Variants in KCNAB2 observed in about 807,000 individuals in gnomAD.
KCNAB2 encodes the protein voltage-gated potassium channel subunit beta-2.
KCNAB2 carries 29 observed loss-of-function variants against 63.6 expected under a neutral mutation model. That is an observed-to-expected ratio of 0.46 (90% CI 0.34 to 0.62). The LOEUF (loss-of-function observed/expected upper bound fraction) is 0.62. KCNAB2 is among the 20% of genes least tolerant of loss of function. The pLI, the probability that KCNAB2 is intolerant of heterozygous loss-of-function variation, is 0.01. For missense variants in KCNAB2, 359 were observed against 563.9 expected (o/e 0.64, Z 3.68); for synonymous variants, 222 against 224.2 (o/e 0.99, Z 0.09).
At chr1:6,060,498 A>G (rs1662217790) in intron 2 of KCNAB2, among the ~76,000 whole-genome samples, 1 of 152,132 alleles carries the variant, frequency 6.6e-6, no homozygotes, top group Non-Finnish European at 1.5e-5. Context: ...TTGGGCAAGA[A>G]GCCACCTTTG....
chr1:6,092,539 G>A (rs1407269183), intron 10 of KCNAB2, among the ~76,000 whole-genome samples: 1 of 152,262 alleles, frequency 6.6e-6, no homozygotes, highest in Non-Finnish European at 1.5e-5. Flanking sequence ...CCTTGGCTGA[G>A]AAGAATCGGG....
chr1:6,033,879 A>C (rs1659829485), upstream of KCNAB2, among the ~76,000 whole-genome samples: 1 of 152,194 alleles, frequency 6.6e-6, no homozygotes, highest in Admixed American at 6.5e-5. Flanking sequence ...AGTTTCTCCA[A>C]ATCTAAATCC....
intron 2 of KCNAB2, among the ~76,000 whole-genome samples, chr1:6,052,037 G>A (rs1661440011): frequency 6.6e-6 from 1 of 152,152 alleles, no homozygotes; most frequent in Non-Finnish European, 1.5e-5. Context: ...AGGAGGCAGA[G>A]ATTGCAGTGA....
chr1:6,098,649 G>A lies in KCNAB2; in HGVS notation c.*75G>A. ...GTTCGCTCGCTTAAGCTGTTTTGAAGCCAAGTGAAGAGTGTGGTTTGCATC... is the reference window on the plus strand; with the variant it reads ...GTTCGCTCGCTTAAGCTGTTTTGAAACCAAGTGAAGAGTGTGGTTTGCATC... On this transcript the variant is annotated 3_prime_UTR_variant, in exon 16 of 16. Transcript: ENST00000378083. The A allele has an allele frequency of 1.9e-6, 3 of 1,545,470 alleles. No homozygotes were observed. Among genetic ancestry groups the A allele is most frequent in the Non-Finnish European group, 2.6e-6 (3 of 1,136,214 alleles).
chr1:6,046,937 A>G (rs1660974244), intron 1 of KCNAB2, among the ~76,000 whole-genome samples: 1 of 152,160 alleles, frequency 6.6e-6, no homozygotes, highest in Non-Finnish European at 1.5e-5. Flanking sequence ...AATGAGGTTA[A>G]CATCTTCCTT....
intron 1 of KCNAB2, among the ~76,000 whole-genome samples, chr1:5,996,711 G>A (rs1370962388): frequency 6.6e-6 from 1 of 152,232 alleles, no homozygotes; most frequent in African/African-American, 2.4e-5. Context: ...GAAATGGTGG[G>A]GACCACCTTC....
At position 6,071,722 on chromosome 1, in the gene KCNAB2, G is replaced by A. The variant is rs763946446; in HGVS notation, c.219-1033G>A. 4.1e-4 allele frequency among the ~76,000 whole-genome samples: 62 copies of A among 151,860 alleles called. 1 individual carries two copies. Among genetic ancestry groups the A allele is most frequent in the Admixed American group, 3.1e-3 (48 of 15,282 alleles). ...CTGCCGCCGCATAGGGCTCTGCTGC[G>A]TAGGACTCCTGCGGCGAGGGCTCCC... On this transcript the variant is annotated intron_variant, in intron 2 of 15. Transcript: ENST00000378083. The surrounding 1 kb of genome is among the most constrained non-coding windows in gnomAD (Gnocchi z 8.5).
At chr1:6,079,811 G>A (rs975171811) in intron 4 of KCNAB2, among the ~76,000 whole-genome samples, 4 of 152,134 alleles carry the variant, frequency 2.6e-5, no homozygotes, top group Admixed American at 6.5e-5. Flanking sequence ...ACAACTATGC[G>A]AATGTACTTA....
At chr1:6,018,931 G>A (rs1658667687) in intron 1 of KCNAB2, 1 of 152,188 alleles carries the variant, frequency 6.6e-6, no homozygotes, top group African/African-American at 2.4e-5. Context: ...TGCTGAGATT[G>A]GGAACTTTAT....
intron 4 of KCNAB2, among the ~76,000 whole-genome samples, chr1:6,081,242 C>T (rs1664184409): frequency 6.6e-6 from 1 of 152,260 alleles, no homozygotes; most frequent in South Asian, 2.1e-4. Flanking sequence ...CAGTGCCGCT[C>T]AGGGCCGGGA....
Position 6,084,730 on chromosome 1 carries a change from T to G in KCNAB2, c.381-474T>G, listed in dbSNP as rs566999759. On this transcript the variant is annotated intron_variant, in intron 5 of 15. Coordinates refer to ENST00000378083, the MANE Select transcript of KCNAB2 (RefSeq NM_001199862.2). The stretch of plus-strand genomic sequence containing the variant: ...ACTTGGGAGGCTGAGGCAGGAGAAC[T>G]GCTTGAACCCAGGAGGCAGAGGTTG... Among the ~76,000 whole-genome samples, 16 of 150,474 alleles carry G rather than the reference T, an allele frequency of 1.1e-4. No individual in the cohort carries two copies. The East Asian group carries it at 2.4e-3, about 22-fold the overall frequency.
intron 6 of KCNAB2, chr1:6,085,719 C>T (rs1664640980): frequency 5.2e-6 from 3 of 572,574 alleles, no homozygotes; most frequent in Non-Finnish European, 4.5e-6. Context: ...GGTTGGATCC[C>T]ACCCTGCACC....
chr1:6,082,672 T>C (rs969293815), intron 5 of KCNAB2, among the ~76,000 whole-genome samples: 7 of 152,112 alleles, frequency 4.6e-5, no homozygotes, highest in Non-Finnish European at 1.0e-4. Flanking sequence ...CCAAGTGCTG[T>C]GGGGAGCACT....
intron 1 of KCNAB2, among the ~76,000 whole-genome samples, chr1:6,039,757 C>T (rs1660343044): frequency 6.6e-6 from 1 of 152,216 alleles, no homozygotes; most frequent in African/African-American, 2.4e-5. Flanking sequence ...TTTCTTTGGG[C>T]TGTTGGGCTG....
At chr1:6,033,234 C>T (rs1255563584), upstream of KCNAB2, among the ~76,000 whole-genome samples, 1 of 146,438 alleles carries the variant, frequency 6.8e-6, no homozygotes, top group African/African-American at 2.5e-5. Flanking sequence ...CGCATGTGTG[C>T]ATGTGGGTGT....
rs114708900 is a variant in KCNAB2, at chr1:5,997,170, G to T, written c.-53+4382G>T. Among the ~76,000 whole-genome samples, 931 of 152,318 alleles carry T rather than the reference G, an allele frequency of 6.1e-3. 5 individuals are homozygous for T. The highest frequency in any genetic ancestry group is 0.021 in the African/African-American group (880 of 41,570). Reference sequence around the variant, plus strand: ...GACGAGGCGCCCCAGCCACCATCCTGCCTGGAGCTCAGGTGGTTCCTGGGC... The same window carrying T: ...GACGAGGCGCCCCAGCCACCATCCTTCCTGGAGCTCAGGTGGTTCCTGGGC... On this transcript the variant is annotated intron_variant, in intron 1 of 16. Transcript: ENST00000341524.
chr1:6,025,053 C>T (rs534578749), intron 1 of KCNAB2, among the ~76,000 whole-genome samples: 117 of 152,292 alleles, frequency 7.7e-4, no homozygotes, highest in African/African-American at 2.7e-3. Flanking sequence ...TTTTCCCATT[C>T]GTTCGCCTTC....
chr1:6,073,268 A>C lies in KCNAB2; in HGVS notation c.263-465A>C, dbSNP rs139960890. On this transcript the variant is annotated intron_variant, in intron 3 of 15. Coordinates refer to ENST00000378083, the MANE Select transcript of KCNAB2 (RefSeq NM_001199862.2). This position sits in a 1 kb window ranked among gnomAD's most constrained non-coding sequence, Gnocchi z 5.7. ...CTCTGCATGCAGTACACACACCCCC[A>C]CACACACACCGCCCACTGCAGTACA... Among the ~76,000 whole-genome samples, 278 of 150,278 alleles carry C rather than the reference A, an allele frequency of 1.8e-3. No homozygotes were observed. Among genetic ancestry groups the C allele is most frequent in the African/African-American group, 6.6e-3 (268 of 40,690 alleles).
In KCNAB2 at chr1:6,040,000, C is replaced by T. The variant is rs187943071; in HGVS notation, c.-52-517C>T. On this transcript the variant is annotated intron_variant, in intron 1 of 15. Transcript: ENST00000164247. ...CCAAGGGCAGGAATCCCAGGAGCTG[C>T]GGACATCAGTGGCATCTGAGAAGCT... Among the ~76,000 whole-genome samples the T allele has an allele frequency of 6.6e-5, 10 of 151,874 alleles. No homozygotes were observed. The East Asian group carries it at 1.7e-3, about 26-fold the overall frequency.
Sources: gnomAD v4.1 joint callset for allele counts (sites outside exome capture counted in the v4.1 genomes callset) on GRCh38, gnomAD v4.1.1 for gene constraint, Gnocchi (gnomAD v3.1) non-coding constraint, MANE v1.5 for transcripts, NCBI Gene and HGNC (gene_info 2026-07-23, HGNC 2026-07-21) for gene names.